Variants in VWA7 observed in about 807,000 individuals in gnomAD.
VWA7 encodes von Willebrand factor A domain containing 7, also known as von Willebrand factor A domain-containing protein 7.
Under a neutral mutation model 83.1 loss-of-function variants are expected in VWA7, and 66 were observed. The observed-to-expected ratio is 0.79, with a 90% CI of 0.65 to 0.98. The LOEUF (loss-of-function observed/expected upper bound fraction) is 0.98, where lower values mean the gene tolerates loss of function less well. Ranked by LOEUF, VWA7 falls within the 50% of genes least tolerant of loss-of-function variation. VWA7 has a pLI of 0.00. For missense variants in VWA7, 1,080 were observed against 1,160.2 expected (o/e 0.93, Z 1.00); for synonymous variants, 424 against 488.5 (o/e 0.87, Z 1.74).
At position 31,775,073 on chromosome 6, in the gene VWA7, G is replaced by C. The variant is rs191555121; in HGVS notation, c.610+260C>G. On this transcript the variant is annotated intron_variant, in intron 4 of 16. Transcript: ENST00000375688. The surrounding 1 kb of genome is among the most constrained non-coding windows in gnomAD (Gnocchi z 5.9). The stretch of plus-strand genomic sequence containing the variant: ...GAGGGTGAGGGGGCTGTGAGAGAAG[G>C]CCCCATGGGAGTCAGTGCGGGGAGG... Among the ~76,000 whole-genome samples the C allele has an allele frequency of 2.0e-5, 3 of 152,184 alleles. No individual in the cohort carries two copies. Among genetic ancestry groups the C allele is most frequent in the Non-Finnish European group, 2.9e-5 (2 of 68,036 alleles).
Position 31,769,800 on chromosome 6 carries a change from G to A in VWA7, c.1201-9C>T, listed in dbSNP as rs1811994219. 6.2e-7 allele frequency: 1 copy of A among 1,610,902 alleles called. No individual in the cohort carries two copies. The highest frequency in any genetic ancestry group is 8.5e-7 in the Non-Finnish European group (1 of 1,178,216). ...GTGTGCAGCAGGGCCAGCTGGCAGG[G>A]AAGGCAACGACCAGTGTTAACAATG... is the stretch of plus-strand genomic sequence containing the variant. On this transcript the variant is annotated splice_polypyrimidine_tract_variant and intron_variant, in intron 8 of 16. Coordinates refer to ENST00000375688, the MANE Select transcript of VWA7 (RefSeq NM_025258.3). The surrounding 1 kb of genome is among the most constrained non-coding windows in gnomAD (Gnocchi z 4.5).
At position 31,767,348 on chromosome 6, in the gene VWA7, A is replaced by T; in HGVS notation, c.1789+14T>A. 1 of 1,611,630 alleles carries T rather than the reference A, an allele frequency of 6.2e-7. No individual in the cohort carries two copies. Among genetic ancestry groups the T allele is most frequent in the Non-Finnish European group, 8.5e-7 (1 of 1,178,742 alleles). On this transcript the variant is annotated intron_variant, in intron 12 of 16. Transcript: ENST00000375688. ...GTCTCTGCTTCCCCTTCCCAGGAAC[A>T]CCTCCCTCCTTACCTTGCACTCTCA...
In VWA7 at chr6:31,767,744, G is replaced by A; in HGVS notation, c.1514C>T (p.Pro505Leu). Reference sequence around the variant, plus strand: ...AGGCACCACAACAGGAGGGTCCAGGGGAAGAGTCACCTTGAGGGATTGGCA... The same window carrying A: ...AGGCACCACAACAGGAGGGTCCAGGAGAAGAGTCACCTTGAGGGATTGGCA... ...GESMAALVTL[P>L]LDPPVVVPGQ... is the part of the protein sequence containing the mutation. Residue 505 changes from proline to leucine, a missense_variant, in exon 11 of 17, where the codon CCC (proline) becomes CTC (leucine). Physicochemically the swap from Pro to Leu is moderately conservative, Grantham distance 98 (BLOSUM62 -3). Coordinates refer to ENST00000375688, the MANE Select transcript of VWA7 (RefSeq NM_025258.3). The A allele has an allele frequency of 1.2e-6, 2 of 1,606,524 alleles. No homozygotes were observed. The highest frequency in any genetic ancestry group is 4.5e-5 in the East Asian group (2 of 44,576).
Position 31,770,032 on chromosome 6 carries a change from T to C in VWA7, c.1169A>G (p.Asp390Gly). The change falls in exon 8 of 17, where the codon GAC becomes GGC. Residue 390 changes from aspartate (D) to glycine (G), a missense_variant. Coordinates refer to ENST00000375688, the MANE Select transcript of VWA7 (RefSeq NM_025258.3). ...GGCTGACAGGCACATCTCAGGCTCG[T>C]CTCCACCCCCCAAGGCATGGATCTC... The part of the protein sequence containing the change: ...LNEIHALGGG[D>G]EPEMCLSALQ... 2 of 1,612,268 alleles carry C rather than the reference T, an allele frequency of 1.2e-6. No homozygotes were observed. Among genetic ancestry groups the C allele is most frequent in the East Asian group, 2.2e-5 (1 of 44,826 alleles).
intron 7 of VWA7, 43 bp from the exon 8 acceptor site, chr6:31,770,156 C>T (rs748099537): frequency 8.4e-6 from 13 of 1,543,898 alleles, no homozygotes; most frequent in Non-Finnish European, 1.2e-5. Context: ...GGAAAGAGCT[C>T]CCCTCATTCT....
chr6:31,777,221 G>A lies in VWA7; in HGVS notation c.-128C>T, dbSNP rs942045301. The A allele has an allele frequency of 5.4e-5, 23 of 426,064 alleles. No homozygotes were observed. The Admixed American group carries it at 8.1e-4, about 15-fold the overall frequency. The allele number at this position is 426,064 out of a possible 1,614,324, so 26.4% of individuals were successfully genotyped here. ...AGAGGGGGAGGAAGGCCTCAACAGG[G>A]TGGGGGAGGACAGGCAACCCCTGGC... On this transcript the variant is annotated 5_prime_UTR_variant, in exon 1 of 17. Coordinates refer to ENST00000375688, the MANE Select transcript of VWA7 (RefSeq NM_025258.3). The surrounding 1 kb of genome is among the most constrained non-coding windows in gnomAD (Gnocchi z 5.8).
Position 31,765,612 on chromosome 6 carries a change from T to A in VWA7, c.2658A>T (p.Leu886=), listed in dbSNP as rs1425312930. The change falls in exon 17 of 17, where the codon CTA becomes CTT. Residue 886 remains leucine (L), a synonymous_variant. Transcript: ENST00000375688. The part of the protein sequence containing the change: ...WGTVGGVLLL[L]GLASW ...CGTTGTGTCACCAGGAGGCCAGGCC[T>A]AGCAGAAGCAGCACCCCTCCAACTG... is the stretch of plus-strand genomic sequence containing the variant. 1 of 1,611,182 alleles carries A rather than the reference T, an allele frequency of 6.2e-7. No homozygotes were observed.
In VWA7 at chr6:31,773,298, G is replaced by A. The variant is rs760958930; in HGVS notation, c.861C>T (p.Ala287=). 4.4e-6 allele frequency: 7 copies of A among 1,608,474 alleles called. No individual in the cohort carries two copies. The South Asian group carries it at 4.5e-5, about 10-fold the overall frequency. ...HLQAAKLALL[A]SIQAFSLLRS... is the part of the protein sequence containing the mutation. ...GCAGAAGGCTGAAGGCCTGGATGGA[G>A]GCTAGAAGGGCCAGTTTTGCAGCCT... Residue 287 remains alanine (A), a synonymous_variant, in exon 6 of 17, where the codon GCC becomes GCT. Transcript: ENST00000375688. The surrounding 1 kb of genome is among the most constrained non-coding windows in gnomAD (Gnocchi z 5.3).
At position 31,767,183 on chromosome 6, in the gene VWA7, G is replaced by T; in HGVS notation, c.1857C>A (p.Leu619=). ...CTGCAACTGGCTGAGTCAGGGGGTA[G>T]AGGCCAGGGTGGGGTCCATCCTCCA... ...IPMEDGPHPG[L]YPLTQPVAGL... Residue 619 remains leucine (L), a synonymous_variant, in exon 13 of 17, where the codon CTC becomes CTA. Coordinates refer to ENST00000375688, the MANE Select transcript of VWA7 (RefSeq NM_025258.3). The T allele has an allele frequency of 1.3e-6, 2 of 1,553,536 alleles. No individual in the cohort carries two copies. Among genetic ancestry groups the T allele is most frequent in the Non-Finnish European group, 1.7e-6 (2 of 1,160,250 alleles).
At position 31,776,668 on chromosome 6, in the gene VWA7, C is replaced by A; in HGVS notation, c.112G>T (p.Ala38Ser). Reference sequence around the variant, plus strand: ...TGGTGGGTGATGGAGCCAGGGGCAGCCAGCAGGCTCCAGATGTTGGGGAAG... The same window carrying A: ...TGGTGGGTGATGGAGCCAGGGGCAGACAGCAGGCTCCAGATGTTGGGGAAG... ...AFFPNIWSLL[A>S]APGSITHQDL... Residue 38 changes from alanine to serine, a missense_variant, in exon 2 of 17, where the codon GCT becomes TCT. By Grantham distance (99) the Ala-to-Ser change is moderately conservative. Transcript: ENST00000375688. The surrounding 1 kb of genome is among the most constrained non-coding windows in gnomAD (Gnocchi z 6.2). 1 of 1,538,592 alleles carries A rather than the reference C, an allele frequency of 6.5e-7. No homozygotes were observed. Among genetic ancestry groups the A allele is most frequent in the Non-Finnish European group, 8.8e-7 (1 of 1,140,344 alleles).
In VWA7 at chr6:31,773,211, T is replaced by A; in HGVS notation, c.917+31A>T. 1 of 1,592,758 alleles carries A rather than the reference T, an allele frequency of 6.3e-7. No homozygotes were observed. Among genetic ancestry groups the A allele is most frequent in the Non-Finnish European group, 8.5e-7 (1 of 1,170,208 alleles). ...CCCTTCCCGCAGGAGCGCCTCCCCA[T>A]GAAGGGGTCCATCCCCAGGAGGCCA... On this transcript the variant is annotated intron_variant, in intron 6 of 16. Coordinates refer to ENST00000375688, the MANE Select transcript of VWA7 (RefSeq NM_025258.3). The surrounding 1 kb of genome is among the most constrained non-coding windows in gnomAD (Gnocchi z 5.3).
In VWA7 at chr6:31,775,942, A is replaced by G; in HGVS notation, c.513+22T>C. 6.3e-7 allele frequency: 1 copy of G among 1,591,062 alleles called. No individual in the cohort carries two copies. Among genetic ancestry groups the G allele is most frequent in the Non-Finnish European group, 8.6e-7 (1 of 1,167,328 alleles). ...CACGGAAGTGAAGACCCCTCTGACC[A>G]TCAACCCAACCCTGTTCTCACCTGC... On this transcript the variant is annotated intron_variant, in intron 3 of 16. Transcript: ENST00000375688. The surrounding 1 kb of genome is among the most constrained non-coding windows in gnomAD (Gnocchi z 5.9).
At position 31,766,053 on chromosome 6, in the gene VWA7, G is replaced by A; in HGVS notation, c.2329C>T (p.His777Tyr). The change falls in exon 16 of 17, where the codon CAC (histidine) becomes TAC (tyrosine). Residue 777 changes from histidine (H) to tyrosine (Y), a missense_variant. Transcript: ENST00000375688. This position sits in a 1 kb window ranked among gnomAD's most constrained non-coding sequence, Gnocchi z 4.9. ...CAGGCCGACTCATTCAGTTCCAGGT[G>A]AGCCCTGGAGAGAGGATATAGGCGT... ...FSLTSNLSRA[H>Y]LELNESAWGR... The A allele has an allele frequency of 6.2e-7, 1 of 1,612,982 alleles. No individual in the cohort carries two copies. Among genetic ancestry groups the A allele is most frequent in the South Asian group, 1.1e-5 (1 of 91,090 alleles).
At chr6:31,768,247 GTTA>G (rs1811828219) in intron 10 of VWA7, among the ~76,000 whole-genome samples, 1 of 151,922 alleles carries the variant, frequency 6.6e-6, no homozygotes, top group Non-Finnish European at 1.5e-5. Flanking sequence ...CAGGGATGAA[GTTA>G]TTATGGTCAG....
Position 31,776,416 on chromosome 6 carries a change from A to G in VWA7, c.234+130T>C. ...GACTCCTAATTTCAGGACCAAGACT[A>G]CTGGGTATTATTGCTGCAGGGGTGG... On this transcript the variant is annotated intron_variant, in intron 2 of 16. Transcript: ENST00000375688. This position sits in a 1 kb window ranked among gnomAD's most constrained non-coding sequence, Gnocchi z 6.2. 8.2e-7 allele frequency: 1 copy of G among 1,223,864 alleles called. No homozygotes were observed. The highest frequency in any genetic ancestry group is 1.1e-6 in the Non-Finnish European group (1 of 894,038). 75.8% of individuals were successfully genotyped at this position (1,223,864 alleles called of 1,614,324 possible).
At position 31,769,087 on chromosome 6, in the gene VWA7, C is replaced by T. The variant is rs1019027350; in HGVS notation, c.1434G>A (p.Glu478=). Residue 478 remains glutamate (E), a synonymous_variant, in exon 10 of 17, where the codon GAG becomes GAA. Transcript: ENST00000375688. This position sits in a 1 kb window ranked among gnomAD's most constrained non-coding sequence, Gnocchi z 4.5. ...TGTGCTGGTCTTTGGTGAAGATCAC[C>T]TCTCCTCCTGAGGCCAGGGCCACTG... The part of the protein sequence containing the change: ...YKAVALASGG[E]VIFTKDQHIR... The T allele has an allele frequency of 3.1e-6, 5 of 1,612,972 alleles. No individual in the cohort carries two copies. The African/African-American group carries it at 6.7e-5, about 22-fold the overall frequency.
rs1811723818 is a variant in VWA7 at position 31,767,451 on chromosome 6, A to C, written c.1700T>G (p.Phe567Cys). 6.2e-7 allele frequency: 1 copy of C among 1,612,988 alleles called. No homozygotes were observed. The highest frequency in any genetic ancestry group is 8.5e-7 in the Non-Finnish European group (1 of 1,179,926). The change falls in exon 12 of 17, where the codon TTC becomes TGC. Residue 567 changes from phenylalanine (F) to cysteine (C), a missense_variant. Phe to Cys is a radical substitution (Grantham distance 205, BLOSUM62 -2). Transcript: ENST00000375688. ...AGGGTCATCCATGGTCACCATCCAGAACTGCCCAAAGCGGCGAGTGTGACC... is the reference window on the plus strand; with the variant it reads ...AGGGTCATCCATGGTCACCATCCAGCACTGCCCAAAGCGGCGAGTGTGACC... ...PLGHTRRFGQFWMVTMDDPPQ... is the reference protein window; with the variant it reads ...PLGHTRRFGQCWMVTMDDPPQ...
chr6:31,765,703 G>C lies in VWA7; in HGVS notation c.2567C>G (p.Pro856Arg), dbSNP rs769672741. Residue 856 changes from proline to arginine, a missense_variant, in exon 17 of 17, where the codon CCC (proline) becomes CGC (arginine). Pro to Arg is a moderately radical substitution (Grantham distance 103). Transcript: ENST00000375688. The part of the protein sequence containing the change: ...ILTTATPAFS[P>R]FTLVTQGRAG... ...CCTGCCTTGAGTCACCAATGTGAAG[G>C]GGGAAAAGGCAGGGGTGGCCGTGGT... 3 of 1,599,078 alleles carry C rather than the reference G, an allele frequency of 1.9e-6. No individual in the cohort carries two copies. The highest frequency in any genetic ancestry group is 1.1e-5 in the South Asian group (1 of 89,410).
At position 31,766,123 on chromosome 6, in the gene VWA7, C is replaced by A; in HGVS notation, c.2325-66G>T. 2.5e-6 allele frequency: 4 copies of A among 1,598,840 alleles called. No homozygotes were observed. The highest frequency in any genetic ancestry group is 1.1e-5 in the South Asian group (1 of 90,196). ...CCAGAGCCTAGAGTCGGGACGCCTG[C>A]AGGGGCACGGGAGCGGAGAGGAGGA... On this transcript the variant is annotated intron_variant, in intron 15 of 16. Transcript: ENST00000375688. The surrounding 1 kb of genome is among the most constrained non-coding windows in gnomAD (Gnocchi z 4.9).
Sources: gnomAD v4.1 joint callset for allele counts (sites outside exome capture counted in the v4.1 genomes callset) on GRCh38, gnomAD v4.1.1 for gene constraint, Gnocchi (gnomAD v3.1) non-coding constraint, MANE v1.5 for transcripts, NCBI Gene and HGNC (gene_info 2026-07-23, HGNC 2026-07-21) for gene names.